DOCK1: variants seen among roughly 807,000 people sequenced by gnomAD.
DOCK1 encodes dedicator of cytokinesis protein 1.
DOCK1 carries 138 observed loss-of-function variants against 262.7 expected under a neutral mutation model. The ratio of observed to expected loss-of-function variants is 0.53; its 90% CI spans 0.46 to 0.61. The LOEUF (loss-of-function observed/expected upper bound fraction) is 0.61. Among genes scored for constraint, DOCK1 ranks in the 20% least tolerant of loss-of-function variants. The pLI is 0.00. For synonymous variants in DOCK1, 866 were observed against 867.4 expected, an observed-to-expected ratio of 1.00 and a Z score of 0.03; for missense variants, 1,908 against 2,370.7, an observed-to-expected ratio of 0.80 and a Z score of 4.05.
In DOCK1 at chr10:127,234,607, A is replaced by G. The variant is rs60688638; in HGVS notation, c.2848-13401A>G. On this transcript the variant is annotated intron_variant, in intron 27 of 51. Coordinates refer to ENST00000623213, the MANE Select transcript of DOCK1 (RefSeq NM_001290223.2). ...AATTTAAAAATTCAATGGAATTCCA[A>G]TTTGAATCCCAATAGGACCTTGTTT... is the stretch of plus-strand genomic sequence containing the variant. Among the ~76,000 whole-genome samples the G allele has an allele frequency of 3.9e-3, 591 of 152,218 alleles. 1 individual carries two copies. Among genetic ancestry groups the G allele is most frequent in the African/African-American group, 0.013 (547 of 41,564 alleles).
intron 29 of DOCK1, among the ~76,000 whole-genome samples, chr10:127,261,338 CGTGT>C (rs1216370649): frequency 2.9e-5 from 1 of 34,954 alleles, no homozygotes; most frequent in African/African-American, 1.2e-4. Flanking sequence ...TGTGGGTGTG[CGTGT>C]GTGTACCCGT....
At chr10:126,960,745 TAC>T (rs1168329136) in intron 1 of DOCK1, among the ~76,000 whole-genome samples, 1,563 of 115,304 alleles carry the variant, frequency 0.014, 27 homozygotes, top group Middle Eastern at 0.045. Flanking sequence ...TATATATATA[TAC>T]ACACACACAC....
chr10:127,061,929 CTTTTT>C (rs562310710), intron 23 of DOCK1, among the ~76,000 whole-genome samples, 153 bp downstream of exon 23: 3 of 71,794 alleles, frequency 4.2e-5, no homozygotes, highest in African/African-American at 6.4e-5. Flanking sequence ...AAGAGCTGTG[CTTTTT>C]TTTTTTTTTT....
Position 126,930,466 on chromosome 10 carries a change from C to T in DOCK1, c.46+24903C>T, listed in dbSNP as rs1005079522. Among the ~76,000 whole-genome samples, 384 of 152,362 alleles carry T rather than the reference C, an allele frequency of 2.5e-3. 2 individuals are homozygous for T. Among genetic ancestry groups the T allele is most frequent in the African/African-American group, 8.9e-3 (369 of 41,590 alleles). ...TACCTCCCTGAGCCTTCCCCGTGAC[C>T]ATCGGGGTGGGGAACAGGTGCCCTT... On this transcript the variant is annotated intron_variant, in intron 1 of 51. Transcript: ENST00000623213.
intron 32 of DOCK1, among the ~76,000 whole-genome samples, chr10:127,358,610 G>T (rs535819233): frequency 6.6e-6 from 1 of 152,138 alleles, no homozygotes; most frequent in Non-Finnish European, 1.5e-5. Context: ...TTTATCCACC[G>T]CGTTGGGTTT....
intron 29 of DOCK1, among the ~76,000 whole-genome samples, chr10:127,266,101 C>T (rs926055848): frequency 1.3e-5 from 2 of 152,234 alleles, no homozygotes; most frequent in Non-Finnish European, 1.5e-5. Context: ...CCAGTGGCAA[C>T]CTGTGGATGG....
intron 33 of DOCK1, among the ~76,000 whole-genome samples, chr10:127,371,907 AT>A (rs1325868068): frequency 6.6e-6 from 1 of 152,178 alleles, no homozygotes; most frequent in African/African-American, 2.4e-5. Flanking sequence ...AAAGGTTGTT[AT>A]TTTACAGTAA....
intron 16 of DOCK1, among the ~76,000 whole-genome samples, chr10:127,029,432 G>A (rs371677404): frequency 6.6e-6 from 1 of 152,200 alleles, no homozygotes; most frequent in South Asian, 2.1e-4. Flanking sequence ...GTTTGGTGTC[G>A]ATGGGTTAAC....
intron 13 of DOCK1, among the ~76,000 whole-genome samples, chr10:127,022,985 CTT>C (rs1775016491): frequency 2.0e-5 from 3 of 152,272 alleles, no homozygotes; most frequent in South Asian, 2.1e-4. Context: ...TCATTGGAAA[CTT>C]TGAGATTTTT....
At chr10:127,058,491 C>T (rs1248590605) in intron 22 of DOCK1, among the ~76,000 whole-genome samples, 2 of 151,920 alleles carry the variant, frequency 1.3e-5, no homozygotes, top group African/African-American at 4.8e-5. Flanking sequence ...AGCATTTCAT[C>T]CATTTATATA....
intron 27 of DOCK1, among the ~76,000 whole-genome samples, chr10:127,190,906 C>T (rs910588318): frequency 1.3e-5 from 2 of 152,076 alleles, no homozygotes; most frequent in Non-Finnish European, 2.9e-5. Flanking sequence ...CTCCTCTCCT[C>T]TGGTTTGCCT....
rs2030707133 is a variant in DOCK1 at position 126,905,968 on chromosome 10, C to T, written c.46+405C>T. 2.6e-5 allele frequency among the ~76,000 whole-genome samples: 4 copies of T among 152,278 alleles called. No individual in the cohort carries two copies. In the South Asian group the frequency reaches 8.3e-4, roughly 32 times the overall value. On this transcript the variant is annotated intron_variant, in intron 1 of 51. Coordinates refer to ENST00000623213, the MANE Select transcript of DOCK1 (RefSeq NM_001290223.2). ...CCCAGGGGTCACTGTCTCGCGGCGG[C>T]TTCTGCTTCTTGGATGAACTTGCGT...
At chr10:127,033,916 G>T (rs2043410172) in intron 18 of DOCK1, among the ~76,000 whole-genome samples, 1 of 152,174 alleles carries the variant, frequency 6.6e-6, no homozygotes, top group Admixed American at 6.5e-5. Context: ...GGAGCAGTAA[G>T]TCTCTTAAGT....
chr10:127,177,147 A>G (rs976352485), intron 27 of DOCK1: 7 of 152,342 alleles, frequency 4.6e-5, no homozygotes, highest in African/African-American at 1.7e-4. Context: ...ATTCTTAAAA[A>G]AAAAAATAAA....
chr10:127,410,384 G>A (rs997173323), intron 42 of DOCK1, among the ~76,000 whole-genome samples: 2 of 152,208 alleles, frequency 1.3e-5, no homozygotes, highest in Non-Finnish European at 2.9e-5. Context: ...CCCTGTGCAT[G>A]CGGAAAGCCT....
At chr10:127,444,366 C>G in intron 50 of DOCK1, 87 bp downstream of exon 50, 1 of 1,437,808 alleles carries the variant, frequency 7.0e-7, no homozygotes, top group Non-Finnish European at 9.2e-7. Context: ...AGCGCTTCCT[C>G]CCTCCCCTTG....
intron 20 of DOCK1, 111 bp from the exon 21 acceptor site, chr10:127,042,953 T>G: frequency 1.1e-6 from 1 of 935,022 alleles, no homozygotes; most frequent in Non-Finnish European, 1.6e-6. Context: ...AACTTCTATC[T>G]GAAAATGTTA....
At chr10:127,185,319 GA>G (rs552190840) in intron 27 of DOCK1, among the ~76,000 whole-genome samples, 11 of 152,122 alleles carry the variant, frequency 7.2e-5, no homozygotes, top group Non-Finnish European at 1.2e-4. Flanking sequence ...ACAAGGTCAG[GA>G]GATCAAGACC....
chr10:127,171,549 A>C (rs2054573401), intron 27 of DOCK1, among the ~76,000 whole-genome samples: 1 of 151,844 alleles, frequency 6.6e-6, no homozygotes, highest in Admixed American at 6.6e-5. Flanking sequence ...CCTCACTAGG[A>C]CTCTTCTGAA....
Sources: gnomAD v4.1 joint callset for allele counts (sites outside exome capture counted in the v4.1 genomes callset) on GRCh38, gnomAD v4.1.1 for gene constraint, MANE v1.5 for transcripts, NCBI Gene and HGNC (gene_info 2026-07-23, HGNC 2026-07-21) for gene names.